The following MCF2 variants were observed in gnomAD, a reference collection of about 807,000 sequenced individuals.
MCF2 encodes the protein MCF.2 cell line derived transforming sequence, also known as proto-oncogene DBL.
MCF2 carries 44 observed loss-of-function variants against 82.5 expected under a neutral mutation model. The observed-to-expected ratio is 0.53, with a 90% CI of 0.42 to 0.69. The LOEUF is 0.69. MCF2 is among the 30% of genes least tolerant of loss of function. MCF2 has a pLI of 0.00. For missense variants in MCF2, 623 were observed against 663.1 expected (o/e 0.94, Z 0.66); for synonymous variants, 217 against 224.9 (o/e 0.96, Z 0.32).
At position 139,605,792 on chromosome X, in the gene MCF2, G is replaced by T. The variant is rs761961633; in HGVS notation, c.1491-13C>A. 8 of 1,135,859 alleles carry T rather than the reference G, an allele frequency of 7.0e-6. No individual in the cohort carries two copies. The South Asian group carries it at 1.6e-4, about 22-fold the overall frequency. The allele number at this position is 1,135,859 out of a possible 1,213,427, so 93.6% of individuals were successfully genotyped here. On this transcript the variant is annotated splice_polypyrimidine_tract_variant and intron_variant, in intron 12 of 24. Coordinates refer to ENST00000370576, the Ensembl canonical transcript of MCF2. Reference sequence around the variant, plus strand: ...ATTTAGTACGTGGCTAAAATGAAAAGACCATATTTATCAGTTATTTTATTA... The same window carrying T: ...ATTTAGTACGTGGCTAAAATGAAAATACCATATTTATCAGTTATTTTATTA...
chrX:139,615,206 A>T (rs1454789074), intron 9 of MCF2, among the ~76,000 whole-genome samples, 154 bp from the exon 13 acceptor site: 1 of 110,575 alleles, frequency 9.0e-6, no homozygotes, highest in Non-Finnish European at 1.9e-5. Flanking sequence ...AGATTAATGT[A>T]TTATGTTCAC....
intron 2 of MCF2, among the ~76,000 whole-genome samples, chrX:139,649,832 T>C (rs1408469278): frequency 8.9e-6 from 1 of 111,871 alleles, no homozygotes; most frequent in Non-Finnish European, 1.9e-5. Flanking sequence ...GCCCTGAGGA[T>C]GGTTCTATTT....
At chrX:139,644,816 C>G (rs763027239), upstream of MCF2, among the ~76,000 whole-genome samples, 4 of 111,994 alleles carry the variant, frequency 3.6e-5, no homozygotes, top group Non-Finnish European at 7.5e-5. Flanking sequence ...CTATTCTAGT[C>G]TGATAGAGGA....
chrX:139,668,267 C>T (rs1026222150), intron 1 of MCF2, among the ~76,000 whole-genome samples: 3 of 111,673 alleles, frequency 2.7e-5, no homozygotes, highest in African/African-American at 9.8e-5. Context: ...GCAGCAATAA[C>T]ACCTCAGTCC....
intron 1 of MCF2, among the ~76,000 whole-genome samples, chrX:139,696,691 A>G (rs1935392807): frequency 9.0e-6 from 1 of 111,530 alleles, no homozygotes; most frequent in African/African-American, 3.3e-5. Flanking sequence ...GGCCTGGAAT[A>G]TTATTTCATT....
At chrX:139,656,440 T>C (rs1425687637) in intron 1 of MCF2, among the ~76,000 whole-genome samples, 2 of 112,704 alleles carry the variant, frequency 1.8e-5, no homozygotes, top group East Asian at 2.8e-4. Context: ...AACAGACTGA[T>C]GTTTTCTATC....
intron 10 of MCF2, among the ~76,000 whole-genome samples, chrX:139,611,596 T>C (rs1381322779): frequency 8.9e-6 from 1 of 112,055 alleles, no homozygotes; most frequent in Non-Finnish European, 1.9e-5. Context: ...TTTTTAACAA[T>C]ATAAATACAT....
exon 19 of MCF2, chrX:139,596,605 C>G: frequency 8.3e-7 from 1 of 1,210,748 alleles, no homozygotes; most frequent in Non-Finnish European, 1.1e-6. Context: ...TCTCCACTTT[C>G]AACACGCCTT....
intron 20 of MCF2, 71 bp downstream of exon 24, chrX:139,589,764 T>C: frequency 2.7e-6 from 2 of 749,643 alleles, no homozygotes; most frequent in African/African-American, 2.1e-5. Context: ...AAAATTATTT[T>C]TGTTTATAAA....
chrX:139,637,402 A>ACTCC (rs1179381493), intron 1 of MCF2, among the ~76,000 whole-genome samples: 1 of 111,194 alleles, frequency 9.0e-6, no homozygotes, highest in Non-Finnish European at 1.9e-5. Context: ...TTTTAATCCC[A>ACTCC]CTCCCATTCA....
chrX:139,600,899 T>C (rs1168036952), intron 16 of MCF2, among the ~76,000 whole-genome samples: 1 of 111,544 alleles, frequency 9.0e-6, no homozygotes, highest in East Asian at 2.8e-4. Context: ...CAACAGAAGA[T>C]GTGCAGGGAG....
In MCF2 at chrX:139,596,499, G is replaced by GAC. The variant is rs749432414; in HGVS notation, c.2277+48_2277+49dup. On this transcript the variant is annotated intron_variant, in intron 19 of 24. Coordinates refer to ENST00000370576, the Ensembl canonical transcript of MCF2. ...AACAAAAAAAATGTACAAACTGGGAGACACACACACACGAAACAATACTAC... is the reference window on the plus strand; with the variant it reads ...AACAAAAAAAATGTACAAACTGGGAGACACACACACACACGAAACAATACTAC... 84 of 959,910 alleles carry GAC rather than the reference G, an allele frequency of 8.8e-5. 1 individual carries two copies. The South Asian group carries it at 1.3e-3, about 15-fold the overall frequency. 79.1% of individuals were successfully genotyped at this position (959,910 alleles called of 1,213,427 possible).
chrX:139,645,223 C>T (rs1933759803), upstream of MCF2, among the ~76,000 whole-genome samples: 1 of 110,677 alleles, frequency 9.0e-6, no homozygotes, highest in Non-Finnish European at 1.9e-5. Flanking sequence ...TACTTTTTCA[C>T]ATACGAGTAT....
At chrX:139,635,898 C>T (rs762766424) in intron 1 of MCF2, among the ~76,000 whole-genome samples, 3 of 109,938 alleles carry the variant, frequency 2.7e-5, no homozygotes, top group Non-Finnish European at 5.7e-5. Context: ...CAAGTAGACC[C>T]GTGTCTGTTG....
intron 23 of MCF2, 107 bp from the exon 28 acceptor site, chrX:139,585,285 G>A: frequency 2.0e-6 from 1 of 494,815 alleles, no homozygotes; most frequent in African/African-American, 2.4e-5. Context: ...TTAAAAAAAT[G>A]GATTAACCAA....
chrX:139,698,980 A>G (rs999025400), intron 1 of MCF2, among the ~76,000 whole-genome samples: 1 of 111,742 alleles, frequency 8.9e-6, no homozygotes, highest in African/African-American at 3.2e-5. Flanking sequence ...GGCCCAGTTT[A>G]TTTATTGCCA....
intron 1 of MCF2, among the ~76,000 whole-genome samples, chrX:139,706,659 T>C (rs893960567): frequency 9.1e-6 from 1 of 109,723 alleles, no homozygotes; most frequent in African/African-American, 3.3e-5. Flanking sequence ...CTCAGCATCA[T>C]GTAATATTCC....
intron 1 of MCF2, among the ~76,000 whole-genome samples, chrX:139,681,821 T>G (rs1250501793): frequency 8.9e-6 from 1 of 112,239 alleles, no homozygotes; most frequent in African/African-American, 3.2e-5. Flanking sequence ...ATATCTATAT[T>G]CATAGAAAAC....
At chrX:139,696,348 TCTC>T (rs1338590001) in intron 1 of MCF2, among the ~76,000 whole-genome samples, 5,068 of 99,046 alleles carry the variant, frequency 0.051, 377 homozygotes, top group African/African-American at 0.18. Context: ...TCTTCTCTCC[TCTC>T]CTCTCCTCTC....
Sources: gnomAD v4.1 joint callset for allele counts (sites outside exome capture counted in the v4.1 genomes callset) on GRCh38, gnomAD v4.1.1 for gene constraint, MANE v1.5 for transcripts, NCBI Gene and HGNC (gene_info 2026-07-23, HGNC 2026-07-21) for gene names.